Variants in MYO18B observed in about 807,000 individuals in gnomAD.
MYO18B encodes unconventional myosin-XVIIIb.
Under a neutral mutation model 273.0 loss-of-function variants are expected in MYO18B, and 204 were observed. The observed-to-expected ratio is 0.75, with a 90% CI of 0.67 to 0.84. The LOEUF is 0.84. Among genes scored for constraint, MYO18B ranks in the 40% least tolerant of loss-of-function variants. The pLI, the probability that MYO18B is intolerant of heterozygous loss-of-function variation, is 0.00. For synonymous variants in MYO18B, 1,330 were observed against 1,305.7 expected (o/e 1.02, Z -0.40); for missense variants, 3,212 against 3,287.6 (o/e 0.98, Z 0.56).
chr22:25,981,231 G>C (rs1309962813), intron 39 of MYO18B, among the ~76,000 whole-genome samples: 1 of 152,122 alleles, frequency 6.6e-6, no homozygotes, highest in Non-Finnish European at 1.5e-5. Flanking sequence ...TCTTCTCTGG[G>C]GATATGATTC....
intron 12 of MYO18B, among the ~76,000 whole-genome samples, chr22:25,801,674 C>T (rs564067938): frequency 3.3e-5 from 5 of 152,278 alleles, no homozygotes; most frequent in East Asian, 1.9e-4. Context: ...CAGCCAGTAC[C>T]TTCCAGAGTG....
chr22:25,836,964 AAATAATAATAATAAT>A (rs71191082), intron 17 of MYO18B, among the ~76,000 whole-genome samples: 53,536 of 142,012 alleles, frequency 0.38, 10,572 homozygotes, highest in East Asian at 0.73. Flanking sequence ...TTCCATCTCA[AAATAATAATAATAAT>A]AATAATAATA....
At position 26,027,704 on chromosome 22, in the gene MYO18B, G is replaced by T; in HGVS notation, c.*12+14G>T. 1 of 1,578,856 alleles carries T rather than the reference G, an allele frequency of 6.3e-7. No homozygotes were observed. The stretch of plus-strand genomic sequence containing the variant: ...GAACCAGTTCAGGTAAAAGCAACAG[G>T]CTGGGGCTATTCTTGGGGGAATGAG... On this transcript the variant is annotated intron_variant, in intron 43 of 43. Transcript: ENST00000335473. This position sits in a 1 kb window ranked among gnomAD's most constrained non-coding sequence, Gnocchi z 4.1.
intron 42 of MYO18B, among the ~76,000 whole-genome samples, chr22:26,011,494 T>C (rs943880792): frequency 1.3e-5 from 2 of 152,112 alleles, no homozygotes; most frequent in African/African-American, 4.8e-5. Context: ...ACTATAAGCA[T>C]AGAAAATGTT....
intron 1 of MYO18B, among the ~76,000 whole-genome samples, chr22:25,760,041 C>A (rs1167104320): frequency 4.6e-5 from 7 of 152,150 alleles, no homozygotes; most frequent in Admixed American, 3.3e-4. Context: ...CAGTTTCCTG[C>A]CCTTACCTCA....
At chr22:25,774,444 C>T (rs1440339351) in intron 7 of MYO18B, among the ~76,000 whole-genome samples, 1 of 152,182 alleles carries the variant, frequency 6.6e-6, no homozygotes, top group Non-Finnish European at 1.5e-5. Context: ...TTTTATAGAC[C>T]CAGATAGCAA....
intron 15 of MYO18B, 119 bp from the exon 16 acceptor site, chr22:25,832,797 AC>A: frequency 1.2e-6 from 1 of 818,790 alleles, no homozygotes; most frequent in Non-Finnish European, 1.9e-6. Flanking sequence ...ATTTAAAAAA[AC>A]GATTTTTTTA....
intron 21 of MYO18B, among the ~76,000 whole-genome samples, chr22:25,868,027 C>T (rs2090940462): frequency 6.6e-6 from 1 of 152,210 alleles, no homozygotes; most frequent in Non-Finnish European, 1.5e-5. Flanking sequence ...AACCTCTGTA[C>T]TGATTTCCCT....
chr22:26,037,555 T>G, the MYO18B span, among the ~76,000 whole-genome samples: 28,040 of 152,102 alleles, frequency 0.18, 3,436 homozygotes, highest in African/African-American at 0.35. Context: ...GTTCCAAAGA[T>G]TTCCCTGCAC....
intron 40 of MYO18B, among the ~76,000 whole-genome samples, chr22:25,994,133 G>A (rs999500037): frequency 6.6e-6 from 1 of 152,156 alleles, no homozygotes; most frequent in Non-Finnish European, 1.5e-5. Flanking sequence ...CGATGTCTGC[G>A]CTCAGCAGGA....
At chr22:25,822,646 A>C (rs1206423362) in intron 12 of MYO18B, among the ~76,000 whole-genome samples, 1 of 152,182 alleles carries the variant, frequency 6.6e-6, no homozygotes, top group Non-Finnish European at 1.5e-5. Flanking sequence ...TCACAGACAA[A>C]ACTCCTCAGA....
intron 42 of MYO18B, among the ~76,000 whole-genome samples, chr22:26,020,667 A>G (rs1388455029): frequency 6.6e-6 from 1 of 152,242 alleles, no homozygotes. Flanking sequence ...TAATGGAGGT[A>G]GAAGTGGCTT....
chr22:25,959,771 G>A (rs1028530723), intron 39 of MYO18B, among the ~76,000 whole-genome samples: 2 of 152,228 alleles, frequency 1.3e-5, no homozygotes, highest in South Asian at 4.1e-4. Context: ...GGGCCCGGGT[G>A]TGAGGTTGTC....
chr22:25,893,681 A>G (rs1224497910), intron 27 of MYO18B, among the ~76,000 whole-genome samples: 1 of 152,028 alleles, frequency 6.6e-6, no homozygotes, highest in African/African-American at 2.4e-5. Flanking sequence ...TTATTATACC[A>G]TCCGTTATTT....
intron 20 of MYO18B, among the ~76,000 whole-genome samples, chr22:25,850,088 CT>C (rs2090379639): frequency 6.6e-6 from 1 of 152,200 alleles, no homozygotes; most frequent in African/African-American, 2.4e-5. Context: ...TGTCTGCATC[CT>C]TCAAAGCTGG....
At chr22:25,753,346 C>T (rs1422899751) in intron 1 of MYO18B, among the ~76,000 whole-genome samples, 1 of 152,176 alleles carries the variant, frequency 6.6e-6, no homozygotes, top group African/African-American at 2.4e-5. Context: ...GATTTGTAAA[C>T]GCACCAATCA....
At chr22:25,873,868 A>C (rs565908888) in intron 22 of MYO18B, among the ~76,000 whole-genome samples, 3 of 152,322 alleles carry the variant, frequency 2.0e-5, no homozygotes, top group Admixed American at 1.3e-4. Context: ...ATCTGCATGT[A>C]CTGCACTTTC....
At chr22:25,875,546 C>T (rs986342226) in intron 23 of MYO18B, among the ~76,000 whole-genome samples, 2 of 152,100 alleles carry the variant, frequency 1.3e-5, no homozygotes, top group African/African-American at 4.8e-5. Flanking sequence ...CAATGCTTCT[C>T]AAACTGTGGT....
chr22:25,776,866 G>A (rs1320886912), intron 7 of MYO18B, among the ~76,000 whole-genome samples: 1 of 151,844 alleles, frequency 6.6e-6, no homozygotes, highest in Non-Finnish European at 1.5e-5. Flanking sequence ...CATAGAGGCT[G>A]TATCATTCAG....
Sources: allele counts gnomAD v4.1 joint callset (sites outside exome capture counted in the v4.1 genomes callset), GRCh38; gene constraint gnomAD v4.1.1; non-coding constraint Gnocchi (gnomAD v3.1); transcripts MANE v1.5; gene names NCBI Gene and HGNC (gene_info 2026-07-23, HGNC 2026-07-21).